The following CSMD1 variants were observed in gnomAD, a reference collection of about 807,000 sequenced individuals.
CSMD1 encodes CUB and sushi domain-containing protein 1.
CSMD1 carries 213 observed loss-of-function variants against 417.5 expected under a neutral mutation model. The observed-to-expected ratio is 0.51, with a 90% CI of 0.46 to 0.57. The LOEUF (loss-of-function observed/expected upper bound fraction) is 0.57. CSMD1 is among the 20% of genes least tolerant of loss of function. The pLI is 0.00. For synonymous variants in CSMD1, 2,862 were observed against 1,736.8 expected (o/e 1.65, Z -16.11); for missense variants, 6,923 against 4,529.7 (o/e 1.53, Z -15.17).
intron 18 of CSMD1, among the ~76,000 whole-genome samples, chr8:3,382,559 TTCTCTA>T (rs1211736101): frequency 7.3e-6 from 1 of 136,758 alleles, no homozygotes; most frequent in Non-Finnish European, 1.6e-5. Context: ...CATTATGTCT[TTCTCTA>T]TATATATCTA....
intron 3 of CSMD1, among the ~76,000 whole-genome samples, chr8:4,213,707 C>A (rs756006109): frequency 6.6e-6 from 1 of 152,270 alleles, no homozygotes; most frequent in South Asian, 2.1e-4. Flanking sequence ...AAGCCGTGGG[C>A]TCCTGTGTGA....
rs540438815 is a variant in CSMD1, at chr8:4,177,701, A to C, written c.416-145602T>G. ...CCGCTAGCAAGACTAACAAAGAAAAAAAGAGACAAGAATCAAATAGATGCA... is the reference window on the plus strand; with the variant it reads ...CCGCTAGCAAGACTAACAAAGAAAACAAGAGACAAGAATCAAATAGATGCA... On this transcript the variant is annotated intron_variant, in intron 3 of 69. Coordinates refer to ENST00000635120, the MANE Select transcript of CSMD1 (RefSeq NM_033225.6). 6.7e-3 allele frequency among the ~76,000 whole-genome samples: 999 copies of C among 148,384 alleles called. 20 individuals are homozygous for C. The highest frequency in any genetic ancestry group is 0.024 in the African/African-American group (966 of 39,964).
At chr8:3,708,023 T>C (rs149484581) in intron 7 of CSMD1, among the ~76,000 whole-genome samples, 35 of 152,300 alleles carry the variant, frequency 2.3e-4, no homozygotes, top group African/African-American at 8.4e-4. Context: ...TGGTCAATAA[T>C]ATTTCAATAG....
chr8:3,818,494 C>T (rs1173774994), intron 5 of CSMD1, among the ~76,000 whole-genome samples: 1 of 152,144 alleles, frequency 6.6e-6, no homozygotes, highest in African/African-American at 2.4e-5. Flanking sequence ...CTTTCTTAGG[C>T]ATGAGAGATA....
chr8:3,614,836 G>C (rs1802059657), intron 8 of CSMD1, among the ~76,000 whole-genome samples: 1 of 152,148 alleles, frequency 6.6e-6, no homozygotes, highest in Non-Finnish European at 1.5e-5. Context: ...TAAGACAGGT[G>C]AGAAAACAGA....
intron 5 of CSMD1, among the ~76,000 whole-genome samples, chr8:3,824,652 T>C (rs117644793): frequency 0.042 from 6,350 of 152,274 alleles, 175 homozygotes; most frequent in South Asian, 0.066. Flanking sequence ...TGAAATAGCA[T>C]TTGTTATATA....
intron 2 of CSMD1, among the ~76,000 whole-genome samples, chr8:4,623,314 G>A (rs546436555): frequency 2.6e-5 from 4 of 152,180 alleles, no homozygotes; most frequent in East Asian, 3.9e-4. Flanking sequence ...TTACAATGAC[G>A]AAAACTAAAA....
chr8:4,773,268 G>C (rs1796685155), intron 1 of CSMD1, among the ~76,000 whole-genome samples: 1 of 151,722 alleles, frequency 6.6e-6, no homozygotes, highest in Non-Finnish European at 1.5e-5. Context: ...TTATAGATTA[G>C]GGATACTCAA....
At chr8:4,712,158 C>G (rs910112020) in intron 1 of CSMD1, among the ~76,000 whole-genome samples, 4 of 152,148 alleles carry the variant, frequency 2.6e-5, no homozygotes, top group Non-Finnish European at 5.9e-5. Flanking sequence ...GACCAGTGAA[C>G]CTCTTCTATT....
At chr8:3,603,870 T>C (rs1801479487) in intron 8 of CSMD1, among the ~76,000 whole-genome samples, 2 of 152,220 alleles carry the variant, frequency 1.3e-5, no homozygotes, top group Non-Finnish European at 2.9e-5. Flanking sequence ...TGTACATAAA[T>C]GATCTAGCAA....
At chr8:4,404,534 G>A (rs1024741370) in intron 3 of CSMD1, among the ~76,000 whole-genome samples, 8 of 152,036 alleles carry the variant, frequency 5.3e-5, no homozygotes, top group Non-Finnish European at 1.2e-4. Flanking sequence ...GTTTCATGAA[G>A]GTGATGTTTA....
intron 3 of CSMD1, among the ~76,000 whole-genome samples, chr8:4,152,584 G>C (rs920688330): frequency 1.3e-5 from 2 of 151,962 alleles, no homozygotes; most frequent in South Asian, 4.2e-4. Context: ...CAACTCCTTG[G>C]GAGGCTTAAG....
At chr8:4,677,647 A>G (rs1194777559) in intron 1 of CSMD1, among the ~76,000 whole-genome samples, 1 of 152,146 alleles carries the variant, frequency 6.6e-6, no homozygotes, top group Non-Finnish European at 1.5e-5. Context: ...GTAATCATTA[A>G]TTAATCTCTC....
chr8:4,463,127 T>C (rs180771515), intron 2 of CSMD1, among the ~76,000 whole-genome samples: 2 of 152,288 alleles, frequency 1.3e-5, no homozygotes, highest in East Asian at 3.9e-4. Context: ...ATGGGCACAA[T>C]AATCGAATAG....
At chr8:3,337,080 G>C (rs376286673) in intron 23 of CSMD1, among the ~76,000 whole-genome samples, 1 of 152,046 alleles carries the variant, frequency 6.6e-6, no homozygotes, top group East Asian at 1.9e-4. Flanking sequence ...CTGTCCCCCT[G>C]CCTCAAAAGC....
chr8:4,231,566 C>T (rs1801735798), intron 3 of CSMD1, among the ~76,000 whole-genome samples: 1 of 152,098 alleles, frequency 6.6e-6, no homozygotes, highest in South Asian at 2.1e-4. Flanking sequence ...CAACAGTTTG[C>T]ATGTAACTAT....
chr8:4,387,143 T>C (rs374337144), intron 3 of CSMD1, among the ~76,000 whole-genome samples: 33 of 152,186 alleles, frequency 2.2e-4, no homozygotes, highest in African/African-American at 7.7e-4. Context: ...GAAGGAAATT[T>C]CTTAATTTGG....
intron 3 of CSMD1, among the ~76,000 whole-genome samples, chr8:4,403,403 G>A (rs941831196): frequency 1.3e-5 from 2 of 151,926 alleles, no homozygotes; most frequent in African/African-American, 2.4e-5. Context: ...ATTCTCTTTT[G>A]AACCACAGAA....
intron 5 of CSMD1, among the ~76,000 whole-genome samples, chr8:3,775,798 C>G (rs1405417635): frequency 6.6e-6 from 1 of 152,216 alleles, no homozygotes; most frequent in African/African-American, 2.4e-5. Flanking sequence ...TTGCTGGGTG[C>G]TGATGTCATC....
Sources: allele counts gnomAD v4.1 joint callset (sites outside exome capture counted in the v4.1 genomes callset), GRCh38; gene constraint gnomAD v4.1.1; transcripts MANE v1.5; gene names NCBI Gene and HGNC (gene_info 2026-07-23, HGNC 2026-07-21).